Variants in PAXIP1 observed in about 807,000 individuals in gnomAD.
PAXIP1 encodes PAX interacting protein 1.
Under a neutral mutation model 140.6 loss-of-function variants are expected in PAXIP1, and 19 were observed. The observed-to-expected ratio is 0.14, with a 90% CI of 0.09 to 0.20. The LOEUF is 0.20. Ranked by LOEUF, PAXIP1 falls within the 10% of genes least tolerant of loss-of-function variation. The pLI is 1.00. For missense variants in PAXIP1, 920 were observed against 1,208.6 expected, an observed-to-expected ratio of 0.76 and a Z score of 3.54; for synonymous variants, 442 against 444.6, an observed-to-expected ratio of 0.99 and a Z score of 0.07.
At chr7:154,972,896 T>C (rs900095185) in intron 6 of PAXIP1, among the ~76,000 whole-genome samples, 1 of 152,238 alleles carries the variant, frequency 6.6e-6, no homozygotes, top group Non-Finnish European at 1.5e-5. Flanking sequence ...TCATTCTTTA[T>C]GGCCTTTACT....
intron 16 of PAXIP1, among the ~76,000 whole-genome samples, chr7:154,952,609 A>G (rs1282148745): frequency 6.6e-6 from 1 of 152,194 alleles, no homozygotes; most frequent in Non-Finnish European, 1.5e-5. Flanking sequence ...GTGAATTAAC[A>G]ATATACATTG....
At chr7:155,001,709 GC>G (rs1294988731) in intron 1 of PAXIP1, 1 of 152,288 alleles carries the variant, frequency 6.6e-6, no homozygotes, top group Non-Finnish European at 1.5e-5. Flanking sequence ...TGTTGGCCAG[GC>G]TGGTCTCGAA....
chr7:154,995,344 C>A (rs1213995690), intron 2 of PAXIP1, among the ~76,000 whole-genome samples: 3 of 152,292 alleles, frequency 2.0e-5, no homozygotes, highest in South Asian at 4.1e-4. Context: ...ATATCTCCCC[C>A]CAGGGAGCTT....
In PAXIP1 at chr7:154,986,108, G is replaced by A; in HGVS notation, c.325-2776C>T. On this transcript the variant is annotated intron_variant, in intron 4 of 20. Coordinates refer to ENST00000404141, the MANE Select transcript of PAXIP1 (RefSeq NM_007349.4). This position sits in a 1 kb window ranked among gnomAD's most constrained non-coding sequence, Gnocchi z 4.8. ...GTGCTTCCCAACTTCTGCTGGACAA[G>A]CTCCCTTCCCTACCTCTCCCTGGGA... 1 of 1,363,766 alleles carries A rather than the reference G, an allele frequency of 7.3e-7. No homozygotes were observed. The highest frequency in any genetic ancestry group is 9.8e-7 in the Non-Finnish European group (1 of 1,020,796). 84.5% of individuals were successfully genotyped at this position (1,363,766 alleles called of 1,614,324 possible).
rs770831458 is a variant in PAXIP1 at position 155,002,844 on chromosome 7, G to T, written c.81+5C>A. 1.5e-6 allele frequency: 2 copies of T among 1,370,218 alleles called. No homozygotes were observed. The highest frequency in any genetic ancestry group is 3.6e-5 in the East Asian group (1 of 27,946). The allele number at this position is 1,370,218 out of a possible 1,614,324, so 84.9% of individuals were successfully genotyped here. A position where few individuals can be genotyped will look rare whatever the true frequency, so the allele number is the denominator to read the frequency against. On this transcript the variant is annotated splice_donor_5th_base_variant and intron_variant, in intron 1 of 20. Coordinates refer to ENST00000404141, the MANE Select transcript of PAXIP1 (RefSeq NM_007349.4). The stretch of plus-strand genomic sequence containing the variant: ...AGGAGGCCGCGGCAGGGGCGGGCGC[G>T]GTACCTGCGGGTCGATGTCGCCCAC...
Position 154,993,885 on chromosome 7 carries a change from A to G in PAXIP1, c.217-116T>C, listed in dbSNP as rs961313718. 3 of 703,408 alleles carry G rather than the reference A, an allele frequency of 4.3e-6. No individual in the cohort carries two copies. The African/African-American group carries it at 5.4e-5, about 13-fold the overall frequency. 43.6% of individuals were successfully genotyped at this position (703,408 alleles called of 1,614,324 possible). On this transcript the variant is annotated intron_variant, in intron 2 of 20. Coordinates refer to ENST00000404141, the MANE Select transcript of PAXIP1 (RefSeq NM_007349.4). ...TGTTACAACCTATTTTAAAACATCC[A>G]GATTACAAGTATGAATATTCAAATA...
chr7:154,991,753 T>G (rs1810340747), intron 3 of PAXIP1, among the ~76,000 whole-genome samples: 1 of 152,244 alleles, frequency 6.6e-6, no homozygotes, highest in Non-Finnish European at 1.5e-5. Flanking sequence ...TCTATGTGCC[T>G]GTAATTCATA....
chr7:154,997,047 G>T (rs893923485), intron 2 of PAXIP1, among the ~76,000 whole-genome samples: 1 of 152,142 alleles, frequency 6.6e-6, no homozygotes, highest in African/African-American at 2.4e-5. Context: ...AAGAGACAGA[G>T]ATACTGTCCC....
rs1174368161 is a variant in PAXIP1, at chr7:154,991,026, T to C, written c.304A>G (p.Ile102Val). The C allele has an allele frequency of 1.9e-6, 3 of 1,553,416 alleles. No homozygotes were observed. Among genetic ancestry groups the C allele is most frequent in the Admixed American group, 2.0e-5 (1 of 51,174 alleles). The change falls in exon 4 of 21, where the codon ATC (isoleucine) becomes GTC (valine). Residue 102 changes from isoleucine to valine, a missense_variant. This residue lies in a region of PAXIP1 where 419 missense variants were observed against 514.7 expected (regional missense o/e 0.81). Coordinates refer to ENST00000404141, the MANE Select transcript of PAXIP1 (RefSeq NM_007349.4). ...SPESCQIFFG[I>V]TACLSQVSSE... ...CTTACCTGAGAAAGGCAGGCAGTGA[T>C]TCCAAAAAAAATCTGACATGATTCT... is the stretch of plus-strand genomic sequence containing the variant.
chr7:154,977,413 G>A lies in PAXIP1; in HGVS notation c.439-1082C>T, dbSNP rs1359957684. ...CCCAAGGTGGCATTTGCAATTTCTGGGTGGAATAAGAGTCACACGCAATAG... is the reference window on the plus strand; with the variant it reads ...CCCAAGGTGGCATTTGCAATTTCTGAGTGGAATAAGAGTCACACGCAATAG... On this transcript the variant is annotated intron_variant, in intron 5 of 20. Transcript: ENST00000404141. Among the ~76,000 whole-genome samples the A allele has an allele frequency of 2.0e-5, 3 of 152,136 alleles. No homozygotes were observed. In the East Asian group the frequency reaches 5.8e-4, roughly 29 times the overall value.
Position 154,946,860 on chromosome 7 carries a change from AT to A in PAXIP1, c.2923-48del. 1 of 1,374,884 alleles carries A rather than the reference AT, an allele frequency of 7.3e-7. No homozygotes were observed. Among genetic ancestry groups the A allele is most frequent in the Non-Finnish European group, 1.0e-6 (1 of 998,196 alleles). 85.2% of individuals were successfully genotyped at this position (1,374,884 alleles called of 1,614,324 possible). On this transcript the variant is annotated intron_variant, in intron 17 of 20. Coordinates refer to ENST00000404141, the MANE Select transcript of PAXIP1 (RefSeq NM_007349.4). This position sits in a 1 kb window ranked among gnomAD's most constrained non-coding sequence, Gnocchi z 4.9. Reference sequence around the variant, plus strand: ...TGTATTATGTTCTTAAAATGCTTTAATTTTTAGAGTACATAATTCTCATAGA... The same window carrying A: ...TGTATTATGTTCTTAAAATGCTTTAATTTTAGAGTACATAATTCTCATAGA...
intron 8 of PAXIP1, 24 bp downstream of exon 8, chr7:154,967,792 T>A (rs1210604611): frequency 6.5e-7 from 1 of 1,534,052 alleles, no homozygotes; most frequent in South Asian, 1.1e-5. Flanking sequence ...GACACAGTCA[T>A]CCTTCCTCCA....
Position 154,975,966 on chromosome 7 carries a change from C to T in PAXIP1, c.804G>A (p.Pro268=), listed in dbSNP as rs530276673. ...EKQERNLNWT[P]AEVPQLAAAK... The stretch of plus-strand genomic sequence containing the variant: ...CTGCAGCTAACTGTGGGACTTCGGC[C>T]GGGGTCCAGTTTAAATTTCTCTCCT... The change falls in exon 6 of 21, where the codon CCG becomes CCA. Residue 268 remains proline, a synonymous_variant. Transcript: ENST00000404141. 6.8e-6 allele frequency: 11 copies of T among 1,613,754 alleles called. No individual in the cohort carries two copies. The highest frequency in any genetic ancestry group is 1.7e-4 in the Middle Eastern group (1 of 6,058).
At position 154,969,124 on chromosome 7, in the gene PAXIP1, G is replaced by A. The variant is rs201852031; in HGVS notation, c.1077C>T (p.Ile359=). The change falls in exon 7 of 21, where the codon ATC becomes ATT. Residue 359 remains isoleucine, a splice_region_variant and synonymous_variant. Coordinates refer to ENST00000404141, the MANE Select transcript of PAXIP1 (RefSeq NM_007349.4). ...TCGTAGGTGCTGAAAGAGTCTGTAA[G>A]ATCTACAAAACAAAAGTTAGGTGAA... ...QMNRPSNVAH[I]LQTLSAPTKN... 6.3e-5 allele frequency: 92 copies of A among 1,460,268 alleles called. 1 individual carries two copies. In the East Asian group the frequency reaches 2.2e-3, roughly 36 times the overall value. 90.5% of individuals were successfully genotyped at this position (1,460,268 alleles called of 1,614,324 possible).
chr7:154,975,670 CA>C, intron 6 of PAXIP1, 25 bp downstream of exon 6: 2 of 1,485,528 alleles, frequency 1.3e-6, no homozygotes, highest in Non-Finnish European at 1.9e-6. Flanking sequence ...CCAATACTGA[CA>C]TTTTTTTCGG....
chr7:154,950,563 C>T (rs909498307), intron 16 of PAXIP1: 8 of 152,250 alleles, frequency 5.3e-5, no homozygotes, highest in African/African-American at 1.9e-4. Context: ...CTTCAGAAGA[C>T]AGCCTGGCGG....
chr7:154,948,500 A>C (rs546481469), intron 16 of PAXIP1: 1 of 152,350 alleles, frequency 6.6e-6, no homozygotes, highest in East Asian at 1.9e-4. Flanking sequence ...GTGAGCCATC[A>C]TTGCACCACA....
In PAXIP1 at chr7:154,994,694, C is replaced by T. The variant is rs193135922; in HGVS notation, c.217-925G>A. ...GCCCCCCTTATCATTTTTTAGATGA[C>T]ATCTAAAATTTTTCAGCATAACTCT... On this transcript the variant is annotated intron_variant, in intron 2 of 20. Coordinates refer to ENST00000404141, the MANE Select transcript of PAXIP1 (RefSeq NM_007349.4). Among the ~76,000 whole-genome samples, 13 of 152,178 alleles carry T rather than the reference C, an allele frequency of 8.5e-5. No homozygotes were observed. The East Asian group carries it at 2.5e-3, about 29-fold the overall frequency.
intron 16 of PAXIP1, 166 bp from the exon 17 acceptor site, chr7:154,948,169 T>G: frequency 1.7e-6 from 1 of 598,342 alleles, no homozygotes; most frequent in Non-Finnish European, 3.0e-6. Flanking sequence ...TTTACTTCCC[T>G]CTAAAAACAG....
Sources: gnomAD v4.1 joint callset for allele counts (sites outside exome capture counted in the v4.1 genomes callset) on GRCh38, gnomAD v4.1.1 for gene constraint, gnomAD v4.1.1 regional missense constraint, Gnocchi (gnomAD v3.1) non-coding constraint, MANE v1.5 for transcripts, NCBI Gene and HGNC (gene_info 2026-07-23, HGNC 2026-07-21) for gene names.